EIF4G3: variants seen among roughly 807,000 people sequenced by gnomAD.
The protein encoded by EIF4G3 is eukaryotic translation initiation factor 4 gamma 3, also known as eIF-4-gamma 3.
Under a neutral mutation model 186.4 loss-of-function variants are expected in EIF4G3, and 34 were observed. That is an observed-to-expected ratio of 0.18 (90% CI 0.14 to 0.24). The LOEUF (loss-of-function observed/expected upper bound fraction) is 0.24. Ranked by LOEUF, EIF4G3 falls within the 10% of genes least tolerant of loss-of-function variation. EIF4G3 has a pLI of 1.00. For missense variants in EIF4G3, 1,536 were observed against 1,948.5 expected (o/e 0.79, Z 3.99); for synonymous variants, 673 against 679.5 (o/e 0.99, Z 0.15).
rs916345202 is a variant in EIF4G3 at position 21,098,306 on chromosome 1, C to T, written c.-271-9093G>A. On this transcript the variant is annotated intron_variant, in intron 2 of 36. Transcript: ENST00000602326. The stretch of plus-strand genomic sequence containing the variant: ...CCCATAATCCCAACACTTTAGGAGG[C>T]TGAGGTGGGTGAACTGCTTGAGTCC... 1.1e-4 allele frequency among the ~76,000 whole-genome samples: 17 copies of T among 151,758 alleles called. No homozygotes were observed. The East Asian group carries it at 1.7e-3, about 16-fold the overall frequency.
At chr1:21,115,331 C>A (rs1242046202) in intron 2 of EIF4G3, among the ~76,000 whole-genome samples, 4 of 152,148 alleles carry the variant, frequency 2.6e-5, no homozygotes, top group African/African-American at 9.7e-5. Flanking sequence ...AATGGCCTTT[C>A]AGTGGAGCAA....
chr1:20,912,566 C>G (rs10916900), intron 14 of EIF4G3, among the ~76,000 whole-genome samples: 64,139 of 151,996 alleles, frequency 0.42, 13,895 homozygotes, highest in Non-Finnish European at 0.45. Context: ...GACTTTCCAA[C>G]TATAGACACT....
intron 3 of EIF4G3, chr1:21,073,702 A>T: frequency 2.0e-6 from 1 of 505,920 alleles, no homozygotes; most frequent in African/African-American, 1.9e-5. Context: ...CCAAGGGCTC[A>T]TGACAGCCTA....
chr1:21,036,631 A>G (rs1444957834), intron 4 of EIF4G3, among the ~76,000 whole-genome samples: 2 of 152,080 alleles, frequency 1.3e-5, no homozygotes, highest in African/African-American at 2.4e-5. Context: ...TGTAATCCCA[A>G]CACTTTGGGA....
intron 2 of EIF4G3, among the ~76,000 whole-genome samples, chr1:21,173,861 T>C (rs1274797470): frequency 6.6e-6 from 1 of 152,200 alleles, no homozygotes; most frequent in Non-Finnish European, 1.5e-5. Flanking sequence ...ACCACTTGCG[T>C]CAAATACAAA....
chr1:20,985,078 G>T (rs2079156691), intron 7 of EIF4G3, among the ~76,000 whole-genome samples: 1 of 152,140 alleles, frequency 6.6e-6, no homozygotes, highest in Admixed American at 6.5e-5. Context: ...TACCTCTCAT[G>T]AAATGGAATA....
intron 4 of EIF4G3, among the ~76,000 whole-genome samples, chr1:21,042,631 C>G (rs1428674875): frequency 6.6e-6 from 1 of 152,198 alleles, no homozygotes; most frequent in Non-Finnish European, 1.5e-5. Flanking sequence ...CTCCCGTCCA[C>G]TACAATAAAT....
At chr1:21,061,810 C>T (rs1465132113) in intron 3 of EIF4G3, among the ~76,000 whole-genome samples, 1 of 149,942 alleles carries the variant, frequency 6.7e-6, no homozygotes, top group Middle Eastern at 3.2e-3. Flanking sequence ...TACAGTGGCG[C>T]GATCTCGGCT....
intron 15 of EIF4G3, 21 bp from the exon 16 acceptor site, chr1:20,899,964 G>A (rs1286084838): frequency 6.3e-6 from 10 of 1,592,938 alleles, no homozygotes; most frequent in Admixed American, 1.8e-5. Flanking sequence ...AATGAACAAA[G>A]AGGTTACATT....
At chr1:20,993,330 A>T (rs1287724176) in intron 7 of EIF4G3, among the ~76,000 whole-genome samples, 2 of 152,200 alleles carry the variant, frequency 1.3e-5, no homozygotes, top group African/African-American at 4.8e-5. Context: ...TTAAGAACAA[A>T]GAAAATGTTT....
chr1:21,012,217 C>T (rs1317367067), intron 4 of EIF4G3, among the ~76,000 whole-genome samples: 5 of 152,104 alleles, frequency 3.3e-5, no homozygotes, highest in Non-Finnish European at 5.9e-5. Flanking sequence ...TCGGGACAGT[C>T]GTTTACTATT....
chr1:20,879,237 C>G (rs940871959), intron 20 of EIF4G3, 86 bp downstream of exon 20: 1 of 1,030,288 alleles, frequency 9.7e-7, no homozygotes, highest in East Asian at 2.8e-5. Flanking sequence ...TTATGTTGCC[C>G]CAATAACACT....
chr1:20,906,994 C>CA, intron 14 of EIF4G3, among the ~76,000 whole-genome samples: 1 of 152,156 alleles, frequency 6.6e-6, no homozygotes, highest in Non-Finnish European at 1.5e-5. Context: ...AGAGGGAAGA[C>CA]AGAGAGTGAC....
At chr1:21,070,873 A>G (rs1406329706) in intron 3 of EIF4G3, among the ~76,000 whole-genome samples, 1 of 152,194 alleles carries the variant, frequency 6.6e-6, no homozygotes, top group Non-Finnish European at 1.5e-5. Context: ...AAACTTCCAA[A>G]GAACTTGAAA....
At chr1:20,924,491 C>T (rs2094721031) in intron 14 of EIF4G3, among the ~76,000 whole-genome samples, 1 of 152,204 alleles carries the variant, frequency 6.6e-6, no homozygotes, top group African/African-American at 2.4e-5. Context: ...TCAAAACAGA[C>T]TGGTAGGTAC....
chr1:20,974,284 T>C (rs2076420246), intron 10 of EIF4G3, among the ~76,000 whole-genome samples: 1 of 152,096 alleles, frequency 6.6e-6, no homozygotes, highest in African/African-American at 2.4e-5. Context: ...AGGAAATGAA[T>C]ACAGATAGAA....
chr1:20,849,386 G>C, intron 29 of EIF4G3, 29 bp downstream of exon 29: 1 of 1,235,790 alleles, frequency 8.1e-7, no homozygotes, highest in South Asian at 1.5e-5. Flanking sequence ...GACTTACTGT[G>C]TGTGTGTTTT....
rs3051243 is a variant in EIF4G3 at position 20,863,378 on chromosome 1, T to TAAAAAAAA, written c.3007-1054_3007-1047dup. Among the ~76,000 whole-genome samples the TAAAAAAAA allele has an allele frequency of 3.9e-4, 40 of 102,486 alleles. 1 individual carries two copies. Among genetic ancestry groups the TAAAAAAAA allele is most frequent in the South Asian group, 1.5e-3 (5 of 3,402 alleles). 67.2% of individuals were successfully genotyped at this position (102,486 alleles called of 152,430 possible). ...TGAGACCCATCATCTCTACAAAAAG[T>TAAAAAAAA]AAAAAAAAAAAAAAAAAAAAAAAAT... On this transcript the variant is annotated intron_variant, in intron 22 of 36. Transcript: ENST00000602326.
At chr1:20,964,625 A>G (rs2074203415) in intron 12 of EIF4G3, among the ~76,000 whole-genome samples, 1 of 152,246 alleles carries the variant, frequency 6.6e-6, no homozygotes, top group African/African-American at 2.4e-5. Context: ...CTTGTGTCAC[A>G]AATTTAATAT....
Sources: allele counts gnomAD v4.1 joint callset (sites outside exome capture counted in the v4.1 genomes callset), GRCh38; gene constraint gnomAD v4.1.1; transcripts MANE v1.5; gene names NCBI Gene and HGNC (gene_info 2026-07-23, HGNC 2026-07-21).